XPO1: variants seen among roughly 807,000 people sequenced by gnomAD.
XPO1 encodes the protein exportin-1.
In XPO1, 5 loss-of-function variants were observed where a neutral mutation model predicts 133.3. That is an observed-to-expected ratio of 0.04 (90% CI 0.02 to 0.08). The LOEUF is 0.08. XPO1 is among the 10% of genes least tolerant of loss of function. The probability of loss-of-function intolerance (pLI) is 1.00; values close to 1 mark genes in which losing one functional copy is unlikely to be tolerated. For synonymous variants in XPO1, 419 were observed against 408.2 expected (o/e 1.03, Z -0.32); for missense variants, 506 against 1,267.5 (o/e 0.40, Z 9.12).
At chr2:61,511,098 T>C (rs1698074509) in intron 4 of XPO1, among the ~76,000 whole-genome samples, 1 of 152,090 alleles carries the variant, frequency 6.6e-6, no homozygotes, top group African/African-American at 2.4e-5. Context: ...CTATCAATCA[T>C]ATACAATGTG....
At chr2:61,505,102 C>T (rs1349193414) in intron 4 of XPO1, among the ~76,000 whole-genome samples, 2 of 152,336 alleles carry the variant, frequency 1.3e-5, no homozygotes, top group African/African-American at 4.8e-5. Flanking sequence ...CCTTGAACTT[C>T]TGGACTCAAG....
At chr2:61,502,965 C>CTTTTTTTTTTTTTTTTTTTTT (rs201077547) in intron 4 of XPO1, among the ~76,000 whole-genome samples, 2 of 138,308 alleles carry the variant, frequency 1.4e-5, no homozygotes, top group African/African-American at 5.4e-5. Context: ...TGTTTCTTTT[C>CTTTTTTTTTTTTTTTTTTTTT]TTTTTTTTTT....
rs1224476630 is a variant in XPO1 at position 61,528,731 on chromosome 2, A to ATT, written c.127-2212_127-2211dup. On this transcript the variant is annotated intron_variant, in intron 2 of 24. Transcript: ENST00000401558. Reference sequence around the variant, plus strand: ...TAAGATCCAGCCATGTCGACATTTTATTTATATATATATATATATATATAT... The same window carrying ATT: ...TAAGATCCAGCCATGTCGACATTTTATTTTTATATATATATATATATATATAT... 3.6e-4 allele frequency among the ~76,000 whole-genome samples: 25 copies of ATT among 68,612 alleles called. No individual in the cohort carries two copies. The South Asian group carries it at 3.9e-3, about 11-fold the overall frequency. The allele number at this position is 68,612 out of a possible 152,430, so 45.0% of individuals were successfully genotyped here. A position where few individuals can be genotyped will look rare whatever the true frequency, so the allele number is the denominator to read the frequency against.
At chr2:61,525,425 A>C in intron 3 of XPO1, 1 of 999,724 alleles carries the variant, frequency 1.0e-6, no homozygotes, top group African/African-American at 1.7e-5. Flanking sequence ...CATAAAAGCC[A>C]AATGTCATAG....
intron 4 of XPO1, among the ~76,000 whole-genome samples, chr2:61,515,324 T>A (rs189412805): frequency 6.6e-6 from 1 of 152,312 alleles, no homozygotes; most frequent in Non-Finnish European, 1.5e-5. Context: ...GTTAAATATC[T>A]TCAATACTAC....
chr2:61,518,101 G>C (rs937104051), intron 4 of XPO1, among the ~76,000 whole-genome samples: 5 of 151,578 alleles, frequency 3.3e-5, no homozygotes, highest in Non-Finnish European at 7.4e-5. Flanking sequence ...CTGCACTCCA[G>C]CCTGGGTGAC....
chr2:61,481,307 A>T (rs1696337635), intron 23 of XPO1, 26 bp from the exon 24 acceptor site: 1 of 1,560,444 alleles, frequency 6.4e-7, no homozygotes, highest in Non-Finnish European at 8.8e-7. Context: ...CAATGATTAA[A>T]TAATGATTTA....
Position 61,478,587 on chromosome 2 carries a change from A to G in XPO1, c.*233T>C, listed in dbSNP as rs1696174846. On this transcript the variant is annotated 3_prime_UTR_variant, in exon 25 of 25. Coordinates refer to ENST00000401558, the MANE Select transcript of XPO1 (RefSeq NM_003400.4). Reference sequence around the variant, plus strand: ...AATGGGCATGAAGTAAAATTTTTAAAAATGCCTTAATTTTCAACTTCATGC... The same window carrying G: ...AATGGGCATGAAGTAAAATTTTTAAGAATGCCTTAATTTTCAACTTCATGC... The G allele has an allele frequency of 2.2e-6, 1 of 456,734 alleles. No individual in the cohort carries two copies. Among genetic ancestry groups the G allele is most frequent in the Non-Finnish European group, 3.7e-6 (1 of 273,444 alleles). The allele number at this position is 456,734 out of a possible 1,614,324, so 28.3% of individuals were successfully genotyped here.
In XPO1 at chr2:61,483,036, A is replaced by G. The variant is rs752526623; in HGVS notation, c.2733T>C (p.Ala911=). Residue 911 remains alanine (A), a synonymous_variant, in exon 22 of 25, where the codon GCT becomes GCC. Transcript: ENST00000401558. ...LQNVAQEEAA[A]QSFYQTYFCD... is the part of the protein sequence containing the mutation. ...AAAAATAAGTTTGATAAAAACTCTGAGCTGCAGCTTCTTCTTGTGCAACAT... is the reference window on the plus strand; with the variant it reads ...AAAAATAAGTTTGATAAAAACTCTGGGCTGCAGCTTCTTCTTGTGCAACAT... 6.2e-7 allele frequency: 1 copy of G among 1,613,874 alleles called. No homozygotes were observed. The highest frequency in any genetic ancestry group is 1.1e-5 in the South Asian group (1 of 91,070).
chr2:61,483,852 CAAGT>C, intron 21 of XPO1, 81 bp downstream of exon 21: 4 of 1,467,552 alleles, frequency 2.7e-6, no homozygotes, highest in South Asian at 2.4e-5. Flanking sequence ...AAACTCTGAA[CAAGT>C]AATACCTTCC....
intron 2 of XPO1, among the ~76,000 whole-genome samples, chr2:61,530,753 CTTT>C (rs1304326545): frequency 1.3e-5 from 2 of 150,054 alleles, no homozygotes; most frequent in African/African-American, 2.4e-5. Flanking sequence ...CTACCTACAG[CTTT>C]TTTTCCCAGT....
In XPO1 at chr2:61,501,977, C is replaced by T; in HGVS notation, c.408+19G>A. 6.4e-7 allele frequency: 1 copy of T among 1,569,768 alleles called. No homozygotes were observed. The highest frequency in any genetic ancestry group is 8.7e-7 in the Non-Finnish European group (1 of 1,153,226). On this transcript the variant is annotated intron_variant, in intron 6 of 24. Coordinates refer to ENST00000401558, the MANE Select transcript of XPO1 (RefSeq NM_003400.4). Reference sequence around the variant, plus strand: ...ATAAGCATAATTCTTCTAAGGAAAACAGTTAAGTTAAAGCTTACCTGAACA... The same window carrying T: ...ATAAGCATAATTCTTCTAAGGAAAATAGTTAAGTTAAAGCTTACCTGAACA...
intron 4 of XPO1, among the ~76,000 whole-genome samples, chr2:61,503,625 CGT>C (rs1269277494): frequency 6.6e-6 from 1 of 152,018 alleles, no homozygotes; most frequent in Non-Finnish European, 1.5e-5. Flanking sequence ...GGGGTTTCAC[CGT>C]GTTAGCCAGG....
rs757459185 is a variant in XPO1, at chr2:61,492,770, C to A, written c.1385-22G>T. ...TAAACTACAAAGAAAAACATGGTTT[C>A]AAATGCAAATAATGAGCAGAATTTT... On this transcript the variant is annotated intron_variant, in intron 13 of 24. Transcript: ENST00000401558. This position sits in a 1 kb window ranked among gnomAD's most constrained non-coding sequence, Gnocchi z 5.6. The A allele has an allele frequency of 6.2e-7, 1 of 1,605,868 alleles. No homozygotes were observed. The highest frequency in any genetic ancestry group is 1.1e-5 in the South Asian group (1 of 89,044).
At chr2:61,517,013 C>T (rs151131070) in intron 4 of XPO1, among the ~76,000 whole-genome samples, 49 of 152,272 alleles carry the variant, frequency 3.2e-4, no homozygotes, top group African/African-American at 1.1e-3. Context: ...AACCGATTCT[C>T]TTGCCTCAGC....
At chr2:61,512,120 C>T (rs1183286783) in intron 4 of XPO1, among the ~76,000 whole-genome samples, 1 of 152,138 alleles carries the variant, frequency 6.6e-6, no homozygotes, top group Admixed American at 6.6e-5. Context: ...TGACAAAAAA[C>T]GATTTGGAAT....
At chr2:61,491,842 G>GT (rs1198333277) in intron 16 of XPO1, among the ~76,000 whole-genome samples, 193 bp downstream of exon 16, 2 of 152,184 alleles carry the variant, frequency 1.3e-5, no homozygotes, top group Non-Finnish European at 2.9e-5. Flanking sequence ...CAAGGCTGCA[G>GT]TGAGCCGTAA....
chr2:61,525,976 AAAT>A, intron 3 of XPO1: 1 of 1,057,998 alleles, frequency 9.5e-7, no homozygotes, highest in African/African-American at 1.6e-5. Context: ...TTTCCATTGT[AAAT>A]AAAAACTGAG....
chr2:61,526,049 G>C, intron 3 of XPO1: 3 of 1,076,862 alleles, frequency 2.8e-6, no homozygotes, highest in Non-Finnish European at 3.4e-6. Context: ...CACACAACTT[G>C]GTGTCAGAGG....
Sources: allele counts gnomAD v4.1 joint callset (sites outside exome capture counted in the v4.1 genomes callset), GRCh38; gene constraint gnomAD v4.1.1; non-coding constraint Gnocchi (gnomAD v3.1); transcripts MANE v1.5; gene names NCBI Gene and HGNC (gene_info 2026-07-23, HGNC 2026-07-21).